The following CDH23 variants were observed in gnomAD, a reference collection of about 807,000 sequenced individuals.
The protein encoded by CDH23 is cadherin related 23.
In CDH23, 189 loss-of-function variants were observed where a neutral mutation model predicts 317.1. The observed-to-expected ratio is 0.60, with a 90% CI of 0.53 to 0.67. The LOEUF (loss-of-function observed/expected upper bound fraction) is 0.67. CDH23 is among the 30% of genes least tolerant of loss of function. The pLI is 0.00. For missense variants in CDH23, 4,401 were observed against 4,592.4 expected (o/e 0.96, Z 1.20); for synonymous variants, 1,839 against 1,876.8 (o/e 0.98, Z 0.52).
intron 9 of CDH23, among the ~76,000 whole-genome samples, chr10:71,590,881 A>AAAAAC (rs1564673793): frequency 7.9e-6 from 1 of 126,958 alleles, no homozygotes; most frequent in Non-Finnish European, 1.6e-5. Context: ...TCTAAAAAAA[A>AAAAAC]AAAAACAAAA....
chr10:71,488,728 T>G (rs1359078501), intron 3 of CDH23, among the ~76,000 whole-genome samples: 1 of 152,258 alleles, frequency 6.6e-6, no homozygotes, highest in Non-Finnish European at 1.5e-5. Flanking sequence ...TGCAACTCAC[T>G]ACATTGTTCA....
intron 22 of CDH23, among the ~76,000 whole-genome samples, chr10:71,699,747 T>C (rs1409242421): frequency 6.6e-6 from 1 of 151,972 alleles, no homozygotes; most frequent in Non-Finnish European, 1.5e-5. Flanking sequence ...AAATGGGAAA[T>C]AAATGAGGGG....
chr10:71,742,344 C>T (rs1483526288), intron 38 of CDH23, among the ~76,000 whole-genome samples: 1 of 152,212 alleles, frequency 6.6e-6, no homozygotes, highest in Non-Finnish European at 1.5e-5. Context: ...GCCTCTCTGG[C>T]CCTCTTCCCC....
intron 1 of CDH23, among the ~76,000 whole-genome samples, chr10:71,421,195 A>G (rs1223414218): frequency 1.3e-5 from 2 of 152,226 alleles, no homozygotes; most frequent in Admixed American, 1.3e-4. Context: ...TTAGGCCCAG[A>G]GTGGGCCTTG....
At chr10:71,400,268 A>G (rs980908431) in intron 1 of CDH23, among the ~76,000 whole-genome samples, 2 of 152,236 alleles carry the variant, frequency 1.3e-5, no homozygotes, top group Non-Finnish European at 2.9e-5. Context: ...GATTTGGATC[A>G]GAGGCCTGGT....
At chr10:71,425,374 A>AGGAAGGAAGGAAGGAAGGAAGGAT (rs1849024321) in intron 1 of CDH23, among the ~76,000 whole-genome samples, 1 of 127,924 alleles carries the variant, frequency 7.8e-6, no homozygotes. Context: ...AGAGAGGAGA[A>AGGAAGGAAGGAAGGAAGGAAGGAT]GGAAGGAAGG....
chr10:71,741,932 G>T lies in CDH23; in HGVS notation c.4845+11G>T. 6.4e-7 allele frequency: 1 copy of T among 1,569,698 alleles called. No individual in the cohort carries two copies. The highest frequency in any genetic ancestry group is 1.2e-5 in the South Asian group (1 of 85,528). The stretch of plus-strand genomic sequence containing the variant: ...ACCCCAACCCTGTCGGTGAGCGATG[G>T]GGGTGGCCACAGGGAGGAGCGGGTG... On this transcript the variant is annotated intron_variant, in intron 38 of 69. Coordinates refer to ENST00000224721, the MANE Select transcript of CDH23 (RefSeq NM_022124.6).
intron 6 of CDH23, among the ~76,000 whole-genome samples, chr10:71,525,035 G>A (rs771730280): frequency 4.1e-4 from 62 of 152,216 alleles, no homozygotes; most frequent in Non-Finnish European, 8.4e-4. Context: ...AGCTTCCCAA[G>A]TAGCTGGGAT....
chr10:71,586,520 C>T (rs1427629812), intron 9 of CDH23, among the ~76,000 whole-genome samples: 1 of 152,098 alleles, frequency 6.6e-6, no homozygotes, highest in Non-Finnish European at 1.5e-5. Flanking sequence ...ATTGTGGATG[C>T]CTGTGAAACT....
intron 1 of CDH23, among the ~76,000 whole-genome samples, chr10:71,423,189 C>T (rs1275263656): frequency 6.6e-6 from 1 of 152,098 alleles, no homozygotes; most frequent in East Asian, 1.9e-4. Context: ...TGCACACACA[C>T]AGTGCATGGA....
At chr10:71,406,622 G>C (rs533786690) in intron 1 of CDH23, among the ~76,000 whole-genome samples, 4 of 152,266 alleles carry the variant, frequency 2.6e-5, no homozygotes, top group Admixed American at 6.5e-5. Context: ...CAGCTTTTAG[G>C]CTTGCCGGAC....
At chr10:71,596,676 T>C (rs945655627) in intron 9 of CDH23, among the ~76,000 whole-genome samples, 1 of 152,084 alleles carries the variant, frequency 6.6e-6, no homozygotes, top group Non-Finnish European at 1.5e-5. Flanking sequence ...GAGGGTAGGG[T>C]TGCTCTGGAC....
intron 6 of CDH23, among the ~76,000 whole-genome samples, chr10:71,553,156 A>G (rs535090420): frequency 9.2e-5 from 14 of 152,318 alleles, no homozygotes; most frequent in African/African-American, 3.1e-4. Context: ...ATATGCAGCC[A>G]GGGGTGTGAA....
intron 20 of CDH23, among the ~76,000 whole-genome samples, chr10:71,692,956 T>A (rs983145158): frequency 6.6e-6 from 1 of 152,196 alleles, no homozygotes; most frequent in African/African-American, 2.4e-5. Flanking sequence ...TGCATGGAAG[T>A]CACACTAATC....
intron 32 of CDH23, among the ~76,000 whole-genome samples, chr10:71,733,573 C>T (rs1839462041): frequency 6.6e-6 from 1 of 152,144 alleles, no homozygotes; most frequent in East Asian, 1.9e-4. Flanking sequence ...AGCTTTGTGC[C>T]AGGAACCAGG....
intron 3 of CDH23, among the ~76,000 whole-genome samples, chr10:71,458,227 G>A (rs530158169): frequency 6.6e-6 from 1 of 152,382 alleles, no homozygotes; most frequent in Admixed American, 6.5e-5. Flanking sequence ...AGATCAAGTT[G>A]TTCTGTCAGC....
At chr10:71,669,830 G>A (rs559031688) in intron 14 of CDH23, among the ~76,000 whole-genome samples, 27 of 151,740 alleles carry the variant, frequency 1.8e-4, no homozygotes, top group Non-Finnish European at 2.1e-4. Context: ...CCAGCACATT[G>A]GAAAAGCTCA....
chr10:71,804,868 G>A (rs1217851797), intron 55 of CDH23, among the ~76,000 whole-genome samples: 1 of 152,144 alleles, frequency 6.6e-6, no homozygotes, highest in Admixed American at 6.5e-5. Context: ...GTGGAATGAG[G>A]CAGGGTACAA....
chr10:71,442,264 T>A (rs2132012047), intron 2 of CDH23, among the ~76,000 whole-genome samples: 1 of 152,270 alleles, frequency 6.6e-6, no homozygotes, highest in South Asian at 2.1e-4. Context: ...GGTCCCTCAC[T>A]CTCTCATTGC....
Sources: allele counts gnomAD v4.1 joint callset (sites outside exome capture counted in the v4.1 genomes callset), GRCh38; gene constraint gnomAD v4.1.1; transcripts MANE v1.5; gene names NCBI Gene and HGNC (gene_info 2026-07-23, HGNC 2026-07-21).